ETFA: variants seen among roughly 807,000 people sequenced by gnomAD.
ETFA encodes the protein electron transfer flavoprotein subunit alpha, mitochondrial.
A neutral mutation model predicts 46.2 loss-of-function variants in ETFA; 22 were observed. The observed-to-expected ratio is 0.48, with a 90% CI of 0.34 to 0.68. The LOEUF is 0.68. Ranked by LOEUF, ETFA falls within the 30% of genes least tolerant of loss-of-function variation. ETFA has a pLI of 0.01. For missense variants in ETFA, 345 were observed against 401.1 expected, an observed-to-expected ratio of 0.86 and a Z score of 1.19; for synonymous variants, 131 against 139.9, an observed-to-expected ratio of 0.94 and a Z score of 0.45.
chr15:76,254,598 C>T (rs531634573), intron 9 of ETFA, among the ~76,000 whole-genome samples: 3 of 152,268 alleles, frequency 2.0e-5, no homozygotes, highest in Admixed American at 2.0e-4. Context: ...CAAAGTCAAA[C>T]CTATTTTCAT....
chr15:76,294,157 G>A (rs905764848), intron 2 of ETFA, among the ~76,000 whole-genome samples: 17 of 152,126 alleles, frequency 1.1e-4, no homozygotes, highest in Non-Finnish European at 2.2e-4. Flanking sequence ...TACAGAAGAC[G>A]ATTTCTATTT....
intron 6 of ETFA, 123 bp downstream of exon 6, chr15:76,286,248 T>C: frequency 1.6e-6 from 1 of 617,142 alleles, no homozygotes; most frequent in Non-Finnish European, 2.9e-6. Flanking sequence ...GGGAATATCA[T>C]TTAAATTGAA....
chr15:76,293,440 A>G (rs2039786807), intron 2 of ETFA, among the ~76,000 whole-genome samples: 1 of 152,226 alleles, frequency 6.6e-6, no homozygotes, highest in Non-Finnish European at 1.5e-5. Context: ...TCCTGCCCAC[A>G]TACACATATT....
chr15:76,308,596 A>G (rs1038354378), intron 1 of ETFA, among the ~76,000 whole-genome samples: 3 of 152,188 alleles, frequency 2.0e-5, no homozygotes, highest in African/African-American at 2.4e-5. Flanking sequence ...AAATACACCA[A>G]TGTCATCAAA....
chr15:76,266,351 T>C (rs1170788345), intron 9 of ETFA, among the ~76,000 whole-genome samples: 1 of 152,238 alleles, frequency 6.6e-6, no homozygotes, highest in Non-Finnish European at 1.5e-5. Flanking sequence ...ACAAGGCATA[T>C]TAAATAGCCC....
chr15:76,220,225 C>A (rs1167941115), intron 11 of ETFA, among the ~76,000 whole-genome samples: 1 of 152,178 alleles, frequency 6.6e-6, no homozygotes, highest in Non-Finnish European at 1.5e-5. Flanking sequence ...TGCCACCATG[C>A]CTAGCTAATT....
chr15:76,292,341 T>C lies in ETFA; in HGVS notation c.351+90A>G, dbSNP rs1374514512. ...TCAATTCAGATAAATCCAGATTGGC[T>C]ACATAAACAGTCTGTTGCATACTTT... On this transcript the variant is annotated intron_variant, in intron 4 of 11. Coordinates refer to ENST00000557943, the MANE Select transcript of ETFA (RefSeq NM_000126.4). The C allele has an allele frequency of 1.2e-5, 10 of 862,378 alleles. No individual in the cohort carries two copies. In the East Asian group the frequency reaches 2.2e-4, roughly 19 times the overall value. 53.4% of individuals were successfully genotyped at this position (862,378 alleles called of 1,614,324 possible). A position where few individuals can be genotyped will look rare whatever the true frequency, so the allele number is the denominator to read the frequency against.
Position 76,259,273 on chromosome 15 carries a change from GCA to G in ETFA, c.816+15137_816+15138del, listed in dbSNP as rs1166799998. The G allele has an allele frequency of 1.9e-6, 3 of 1,570,022 alleles. No individual in the cohort carries two copies. The Admixed American group carries it at 5.0e-5, about 26-fold the overall frequency. ...TATAAGGGGTCCTGGCTGGCGGATA[GCA>G]CAGACAGCTGGCCCAGAATGTTCTC... On this transcript the variant is annotated intron_variant, in intron 9 of 11. Coordinates refer to ENST00000557943, the MANE Select transcript of ETFA (RefSeq NM_000126.4).
chr15:76,271,460 G>A (rs906134132), intron 9 of ETFA, among the ~76,000 whole-genome samples: 2 of 152,178 alleles, frequency 1.3e-5, no homozygotes, highest in Non-Finnish European at 2.9e-5. Flanking sequence ...CTATAAAACA[G>A]CTGTCTGGTA....
At chr15:76,291,664 G>A (rs547712004) in intron 4 of ETFA, among the ~76,000 whole-genome samples, 18 of 151,922 alleles carry the variant, frequency 1.2e-4, no homozygotes, top group African/African-American at 3.9e-4. Context: ...GCAGGAGAAT[G>A]GCGTGAACCC....
chr15:76,311,205 T>G lies in ETFA; in HGVS notation c.39+145A>C, dbSNP rs1447085024. 7 of 960,640 alleles carry G rather than the reference T, an allele frequency of 7.3e-6. 1 individual carries two copies. In the East Asian group the frequency reaches 1.8e-4, roughly 25 times the overall value. The allele number at this position is 960,640 out of a possible 1,614,324, so 59.5% of individuals were successfully genotyped here. On this transcript the variant is annotated intron_variant, in intron 1 of 11. Coordinates refer to ENST00000557943, the MANE Select transcript of ETFA (RefSeq NM_000126.4). ...GGAGTCCAGGGTAGGCCCCAGAACT[T>G]TGGACCCAAGTCCCAGGCGGGGACC...
chr15:76,294,011 A>G (rs2039794138), intron 2 of ETFA, among the ~76,000 whole-genome samples: 1 of 152,232 alleles, frequency 6.6e-6, no homozygotes, highest in African/African-American at 2.4e-5. Flanking sequence ...GGCATTATAC[A>G]GAAGAATAAC....
chr15:76,233,826 A>G (rs2039094535), intron 9 of ETFA, among the ~76,000 whole-genome samples: 1 of 152,228 alleles, frequency 6.6e-6, no homozygotes, highest in African/African-American at 2.4e-5. Flanking sequence ...CAAAGCAAGC[A>G]TTGGAAAAGA....
chr15:76,289,847 T>C (rs1016243303), intron 4 of ETFA, among the ~76,000 whole-genome samples: 39 of 152,150 alleles, frequency 2.6e-4, no homozygotes, highest in African/African-American at 9.4e-4. Flanking sequence ...TTCTCAAAAC[T>C]CCCATCTGTT....
At chr15:76,301,268 C>T (rs1375026411) in intron 1 of ETFA, among the ~76,000 whole-genome samples, 2 of 152,186 alleles carry the variant, frequency 1.3e-5, no homozygotes, top group African/African-American at 4.8e-5. Flanking sequence ...GCACTTATCA[C>T]ACCTGATCAT....
intron 10 of ETFA, among the ~76,000 whole-genome samples, chr15:76,227,093 C>T (rs895243967): frequency 2.6e-5 from 4 of 151,852 alleles, no homozygotes; most frequent in Non-Finnish European, 5.9e-5. Context: ...CTCTTATTTG[C>T]TATAAAAATA....
chr15:76,234,629 T>G (rs1379274031), intron 9 of ETFA, among the ~76,000 whole-genome samples: 2 of 152,092 alleles, frequency 1.3e-5, no homozygotes, highest in African/African-American at 4.8e-5. Flanking sequence ...GTCCTAGAGA[T>G]AGGCCTCGTG....
chr15:76,281,897 CTTT>C (rs34309169), intron 8 of ETFA, among the ~76,000 whole-genome samples: 1 of 78,100 alleles, frequency 1.3e-5, no homozygotes, highest in Non-Finnish European at 2.3e-5. Context: ...TACACGTATC[CTTT>C]TTTTTTTTTT....
At chr15:76,271,207 G>A (rs1024544723) in intron 9 of ETFA, among the ~76,000 whole-genome samples, 1 of 151,790 alleles carries the variant, frequency 6.6e-6, no homozygotes, top group African/African-American at 2.4e-5. Flanking sequence ...GGAAAACTGG[G>A]ATATTTACAT....
Sources: allele counts gnomAD v4.1 joint callset (sites outside exome capture counted in the v4.1 genomes callset), GRCh38; gene constraint gnomAD v4.1.1; transcripts MANE v1.5; gene names NCBI Gene and HGNC (gene_info 2026-07-23, HGNC 2026-07-21).